The following ATP9A variants were observed in gnomAD, a reference collection of about 807,000 sequenced individuals.
The protein encoded by ATP9A is ATPase phospholipid transporting 9A.
In ATP9A, 52 loss-of-function variants were observed where a neutral mutation model predicts 144.1. The observed-to-expected ratio is 0.36, with a 90% CI of 0.29 to 0.45. The LOEUF (loss-of-function observed/expected upper bound fraction) is 0.45, where lower values mean the gene tolerates loss of function less well. ATP9A is among the 20% of genes least tolerant of loss of function. ATP9A has a pLI of 1.00. For synonymous variants in ATP9A, 582 were observed against 557.4 expected, an observed-to-expected ratio of 1.04 and a Z score of -0.62; for missense variants, 947 against 1,392.7, an observed-to-expected ratio of 0.68 and a Z score of 5.09.
intron 1 of ATP9A, among the ~76,000 whole-genome samples, chr20:51,735,311 G>A (rs541391453): frequency 6.6e-6 from 1 of 152,144 alleles, no homozygotes; most frequent in South Asian, 2.1e-4. Flanking sequence ...AAAGCAAGAG[G>A]ACATACATGC....
chr20:51,628,393 T>A (rs1452864487), intron 16 of ATP9A, among the ~76,000 whole-genome samples: 1 of 152,090 alleles, frequency 6.6e-6, no homozygotes, highest in African/African-American at 2.4e-5. Context: ...ACCCTTTGAG[T>A]GTGTGCTGGA....
At chr20:51,761,234 T>C (rs1164978683) in intron 1 of ATP9A, among the ~76,000 whole-genome samples, 1 of 152,146 alleles carries the variant, frequency 6.6e-6, no homozygotes, top group East Asian at 1.9e-4. Flanking sequence ...TAAATATTCA[T>C]CTTTTTCCTC....
chr20:51,760,209 T>A (rs2077873135), intron 1 of ATP9A, among the ~76,000 whole-genome samples: 1 of 152,072 alleles, frequency 6.6e-6, no homozygotes, highest in South Asian at 2.1e-4. Context: ...CCTCCAGGCG[T>A]GAGTTACAGA....
chr20:51,686,421 G>A (rs2077523340), intron 9 of ATP9A, among the ~76,000 whole-genome samples: 1 of 148,272 alleles, frequency 6.7e-6, no homozygotes, highest in South Asian at 2.1e-4. Context: ...TATGGTAAAA[G>A]AAAATAAAGC....
At chr20:51,616,643 C>T (rs900871986) in intron 22 of ATP9A, among the ~76,000 whole-genome samples, 12 of 152,070 alleles carry the variant, frequency 7.9e-5, no homozygotes, top group Non-Finnish European at 1.6e-4. Flanking sequence ...CTAACAAACT[C>T]GGTGACCCAT....
In ATP9A at chr20:51,627,807, T is replaced by C. The variant is rs370197160; in HGVS notation, c.1762-124A>G. On this transcript the variant is annotated intron_variant, in intron 16 of 27. Transcript: ENST00000338821. ...TCAGAGAAAATGGCAAATCAGAAAGTTGCTTTCCCCTACGGCAATCCTCCC... is the reference window on the plus strand; with the variant it reads ...TCAGAGAAAATGGCAAATCAGAAAGCTGCTTTCCCCTACGGCAATCCTCCC... 7 of 801,316 alleles carry C rather than the reference T, an allele frequency of 8.7e-6. No individual in the cohort carries two copies. The African/African-American group carries it at 1.0e-4, about 12-fold the overall frequency. 49.6% of individuals were successfully genotyped at this position (801,316 alleles called of 1,614,324 possible). A position where few individuals can be genotyped will look rare whatever the true frequency, so the allele number is the denominator to read the frequency against.
chr20:51,736,672 G>C (rs2077764316), intron 1 of ATP9A, among the ~76,000 whole-genome samples: 1 of 152,086 alleles, frequency 6.6e-6, no homozygotes, highest in Non-Finnish European at 1.5e-5. Context: ...TGTAGTGATA[G>C]CTACACAACT....
chr20:51,666,155 C>T (rs528237057), intron 13 of ATP9A, among the ~76,000 whole-genome samples: 3 of 152,128 alleles, frequency 2.0e-5, no homozygotes, highest in Non-Finnish European at 2.9e-5. Context: ...TGTAAAGAGT[C>T]GCTTCCTGTA....
intron 1 of ATP9A, among the ~76,000 whole-genome samples, chr20:51,764,040 A>T (rs1208841473): frequency 6.6e-6 from 1 of 152,192 alleles, no homozygotes; most frequent in Non-Finnish European, 1.5e-5. Context: ...TCATGCAAAC[A>T]CCTAAGGATT....
chr20:51,723,047 A>G (rs1411070458), intron 3 of ATP9A, among the ~76,000 whole-genome samples: 3 of 152,204 alleles, frequency 2.0e-5, no homozygotes, highest in African/African-American at 7.2e-5. Flanking sequence ...TGGTATATAT[A>G]TTCAATGGAC....
chr20:51,609,408 C>T (rs1467916539), intron 24 of ATP9A, among the ~76,000 whole-genome samples: 2 of 152,144 alleles, frequency 1.3e-5, no homozygotes, highest in African/African-American at 4.8e-5. Flanking sequence ...GCTGACCTTC[C>T]CGCACCCGCC....
intron 5 of ATP9A, among the ~76,000 whole-genome samples, chr20:51,696,695 C>T (rs2077572141): frequency 6.6e-6 from 1 of 152,154 alleles, no homozygotes; most frequent in African/African-American, 2.4e-5. Context: ...TTGTGTGGTT[C>T]TTCTGAGCTG....
At chr20:51,761,248 C>T (rs1048463568) in intron 1 of ATP9A, among the ~76,000 whole-genome samples, 1 of 152,186 alleles carries the variant, frequency 6.6e-6, no homozygotes, top group Non-Finnish European at 1.5e-5. Flanking sequence ...TTTCCTCCAC[C>T]GTCAGATAAT....
chr20:51,622,051 C>G (rs928514256), intron 19 of ATP9A, 23 bp downstream of exon 19: 4 of 1,605,116 alleles, frequency 2.5e-6, no homozygotes, highest in African/African-American at 2.7e-5. Context: ...CCCCACATGG[C>G]CCTAACGCAG....
chr20:51,728,019 T>A (rs1475670), intron 2 of ATP9A, among the ~76,000 whole-genome samples: 1 of 151,632 alleles, frequency 6.6e-6, no homozygotes, highest in Non-Finnish European at 1.5e-5. Context: ...AGCTAGGTGC[T>A]AGTGTGGTTC....
intron 4 of ATP9A, among the ~76,000 whole-genome samples, chr20:51,710,450 G>A (rs1358960209): frequency 2.0e-5 from 3 of 152,186 alleles, no homozygotes; most frequent in African/African-American, 4.8e-5. Flanking sequence ...GAATTCGACA[G>A]GAAAGTCAAA....
intron 9 of ATP9A, among the ~76,000 whole-genome samples, chr20:51,677,755 T>A (rs2077483353): frequency 6.6e-6 from 1 of 152,026 alleles, no homozygotes; most frequent in Non-Finnish European, 1.5e-5. Context: ...CCAGACACAG[T>A]AAGAAAAGGC....
intron 23 of ATP9A, among the ~76,000 whole-genome samples, chr20:51,613,419 C>T (rs900361443): frequency 6.6e-6 from 1 of 152,204 alleles, no homozygotes; most frequent in African/African-American, 2.4e-5. Context: ...CAGGAATGAC[C>T]AGCACCGCTT....
intron 6 of ATP9A, among the ~76,000 whole-genome samples, chr20:51,694,946 G>A (rs576519263): frequency 2.6e-5 from 4 of 152,076 alleles, no homozygotes; most frequent in Non-Finnish European, 4.4e-5. Context: ...ACACAAGAAC[G>A]AATTTAAAGA....
Sources: allele counts gnomAD v4.1 joint callset (sites outside exome capture counted in the v4.1 genomes callset), GRCh38; gene constraint gnomAD v4.1.1; transcripts MANE v1.5; gene names NCBI Gene and HGNC (gene_info 2026-07-23, HGNC 2026-07-21).